The following LUC7L2 variants were observed in gnomAD, a reference collection of about 807,000 sequenced individuals.
LUC7L2 encodes the protein LUC7 like 2, pre-mRNA splicing factor.
In LUC7L2, 25 loss-of-function variants were observed where a neutral mutation model predicts 52.8. The ratio of observed to expected loss-of-function variants is 0.47; its 90% CI spans 0.34 to 0.66. The LOEUF is 0.66. Ranked by LOEUF, LUC7L2 falls within the 30% of genes least tolerant of loss-of-function variation. LUC7L2 has a pLI of 0.01. For synonymous variants in LUC7L2, 144 were observed against 160.9 expected, an observed-to-expected ratio of 0.89 and a Z score of 0.80; for missense variants, 328 against 497.8, an observed-to-expected ratio of 0.66 and a Z score of 3.25.
chr7:139,388,006 TTTCTTC>T lies in LUC7L2; in HGVS notation c.157-10591_157-10586del, dbSNP rs1794280627. ...TGCTTCTCATTTTTGTTTACACTCT[TTTCTTC>T]TGCCTGCAATATTCTTTCTCCTCTC... On this transcript the variant is annotated intron_variant, in intron 2 of 9. Transcript: ENST00000354926. 3.3e-5 allele frequency among the ~76,000 whole-genome samples: 5 copies of T among 152,284 alleles called. No homozygotes were observed. In the South Asian group the frequency reaches 1.0e-3, roughly 32 times the overall value.
At chr7:139,373,777 C>T (rs1454991071) in intron 1 of LUC7L2, among the ~76,000 whole-genome samples, 1 of 152,130 alleles carries the variant, frequency 6.6e-6, no homozygotes, top group African/African-American at 2.4e-5. Flanking sequence ...TAGTAAAACT[C>T]CATGAATACT....
rs1795962551 is a variant in LUC7L2, at chr7:139,422,959, T to C, written c.*619T>C. ...CAGCTGTTGCATTACATACTTTTGC[T>C]TTTTTATTGAAATTTTGAAATCAAA... is the stretch of plus-strand genomic sequence containing the variant. On this transcript the variant is annotated 3_prime_UTR_variant, in exon 10 of 10. Transcript: ENST00000354926. 2.5e-6 allele frequency: 1 copy of C among 398,882 alleles called. No homozygotes were observed. The highest frequency in any genetic ancestry group is 2.1e-5 in the African/African-American group (1 of 48,624). The allele number at this position is 398,882 out of a possible 1,614,324, so 24.7% of individuals were successfully genotyped here.
At chr7:139,357,464 CATA>C (rs542690915), upstream of LUC7L2, among the ~76,000 whole-genome samples, 197 of 152,208 alleles carry the variant, frequency 1.3e-3, 1 homozygote, top group African/African-American at 4.5e-3. Context: ...TTCAACAAAA[CATA>C]ATTATTGGTT....
chr7:139,398,386 C>T (rs953593682), intron 2 of LUC7L2, among the ~76,000 whole-genome samples: 1 of 152,008 alleles, frequency 6.6e-6, no homozygotes, highest in Admixed American at 6.6e-5. Context: ...TACAAGTGAT[C>T]CCTGTTCCCA....
chr7:139,374,596 A>T (rs1800614628), intron 1 of LUC7L2: 1 of 1,512,714 alleles, frequency 6.6e-7, no homozygotes, highest in Admixed American at 2.1e-5. Flanking sequence ...TAAACTGAAT[A>T]TTCCAAATTG....
At chr7:139,400,496 G>A (rs954628685) in intron 3 of LUC7L2, among the ~76,000 whole-genome samples, 1 of 152,156 alleles carries the variant, frequency 6.6e-6, no homozygotes, top group Non-Finnish European at 1.5e-5. Context: ...GACAGAGCGA[G>A]ACTCTGTCTC....
At chr7:139,412,669 A>T (rs910039357) in intron 8 of LUC7L2, 89 bp downstream of exon 8, 5 of 1,508,896 alleles carry the variant, frequency 3.3e-6, no homozygotes, top group Non-Finnish European at 4.4e-6. Flanking sequence ...TCCTTTAAAA[A>T]TTTTCTTTTT....
chr7:139,402,408 T>C (rs1181755872), intron 4 of LUC7L2, among the ~76,000 whole-genome samples, 161 bp downstream of exon 4: 1 of 152,250 alleles, frequency 6.6e-6, no homozygotes, highest in Non-Finnish European at 1.5e-5. Flanking sequence ...TTATACAATA[T>C]AGTGCAATAT....
At position 139,398,580 on chromosome 7, in the gene LUC7L2, T is replaced by C. The variant is rs1351905625; in HGVS notation, c.157-19T>C. On this transcript the variant is annotated intron_variant, in intron 2 of 9. Transcript: ENST00000354926. The stretch of plus-strand genomic sequence containing the variant: ...AAAACTTTTTTTTGTTTTAATATTA[T>C]GTCTTTTTTCCCTTCCAGAGAATGG... The C allele has an allele frequency of 7.6e-6, 12 of 1,578,968 alleles. No homozygotes were observed. The highest frequency in any genetic ancestry group is 4.0e-5 in the Admixed American group (2 of 49,692).
intron 6 of LUC7L2, among the ~76,000 whole-genome samples, chr7:139,409,160 G>A (rs905810967): frequency 6.6e-6 from 1 of 151,868 alleles, no homozygotes; most frequent in African/African-American, 2.4e-5. Context: ...AAGATCATAG[G>A]CCAGTCTCAG....
chr7:139,341,427 C>G, intron 1 of LUC7L2: 2 of 1,613,602 alleles, frequency 1.2e-6, no homozygotes, highest in Non-Finnish European at 1.7e-6. Context: ...TCGAGGACTT[C>G]TGCGGGAGTT....
intron 1 of LUC7L2, among the ~76,000 whole-genome samples, chr7:139,365,471 A>G (rs1182224302): frequency 6.6e-6 from 1 of 152,174 alleles, no homozygotes; most frequent in Non-Finnish European, 1.5e-5. Context: ...CAAGATGGGT[A>G]GTAGGAATTC....
intron 8 of LUC7L2, among the ~76,000 whole-genome samples, chr7:139,413,727 G>A (rs532062282): frequency 1.3e-5 from 2 of 152,168 alleles, no homozygotes; most frequent in Non-Finnish European, 2.9e-5. Context: ...ACAGTAAGCC[G>A]AGATTGTGCC....
intron 4 of LUC7L2, among the ~76,000 whole-genome samples, chr7:139,403,098 G>A (rs931515774): frequency 3.3e-5 from 5 of 152,124 alleles, no homozygotes; most frequent in African/African-American, 7.2e-5. Flanking sequence ...CAAGTTGTGT[G>A]TATCAGTTCA....
At position 139,360,072 on chromosome 7, in the gene LUC7L2, T is replaced by C. The variant is rs1799782772; in HGVS notation, c.-190T>C. ...CTGTCGGGGGCTGTCGTCTTCCACG[T>C]ACACGTCGTCGTGAGGAGCGCAGTC... On this transcript the variant is annotated 5_prime_UTR_variant, in exon 1 of 10. Transcript: ENST00000354926. The C allele has an allele frequency of 1.8e-6, 1 of 552,720 alleles. No homozygotes were observed. The highest frequency in any genetic ancestry group is 3.5e-5 in the Admixed American group (1 of 28,808). The allele number at this position is 552,720 out of a possible 1,614,324, so 34.2% of individuals were successfully genotyped here.
At chr7:139,417,886 C>G (rs775416201) in intron 9 of LUC7L2, among the ~76,000 whole-genome samples, 157 bp downstream of exon 9, 23 of 152,202 alleles carry the variant, frequency 1.5e-4, no homozygotes, top group East Asian at 3.9e-4. Flanking sequence ...CAACATTTTT[C>G]TGTGATTATA....
At chr7:139,376,293 T>C in intron 2 of LUC7L2, 137 bp downstream of exon 2, 1 of 880,426 alleles carries the variant, frequency 1.1e-6, no homozygotes, top group African/African-American at 1.7e-5. Context: ...TTATTCAGGA[T>C]GATTACTTAA....
chr7:139,385,311 C>CTTTTTTT lies in LUC7L2; in HGVS notation c.156+9175_156+9181dup, dbSNP rs58744665. Among the ~76,000 whole-genome samples, 43 of 118,592 alleles carry CTTTTTTT rather than the reference C, an allele frequency of 3.6e-4. 1 individual carries two copies. Among genetic ancestry groups the CTTTTTTT allele is most frequent in the East Asian group, 2.4e-3 (9 of 3,684 alleles). 77.8% of individuals were successfully genotyped at this position (118,592 alleles called of 152,430 possible). A position where few individuals can be genotyped will look rare whatever the true frequency, so the allele number is the denominator to read the frequency against. On this transcript the variant is annotated intron_variant, in intron 2 of 9. Coordinates refer to ENST00000354926, the MANE Select transcript of LUC7L2 (RefSeq NM_016019.5). ...GTCTTGAATCTATCAGTTAGGATTA[C>CTTTTTTT]TTTTTTTTTTTTTTTTTTTTTTTTT...
intron 9 of LUC7L2, among the ~76,000 whole-genome samples, chr7:139,421,302 A>T (rs1034070633): frequency 1.3e-5 from 2 of 152,300 alleles, no homozygotes; most frequent in Non-Finnish European, 2.9e-5. Context: ...TGAGTGAGAT[A>T]ATTATGTAAA....
Sources: allele counts gnomAD v4.1 joint callset (sites outside exome capture counted in the v4.1 genomes callset), GRCh38; gene constraint gnomAD v4.1.1; transcripts MANE v1.5; gene names NCBI Gene and HGNC (gene_info 2026-07-23, HGNC 2026-07-21).